The following MAP3K20 variants were observed in gnomAD, a reference collection of about 807,000 sequenced individuals.
MAP3K20 encodes mitogen-activated protein kinase kinase kinase 20.
A neutral mutation model predicts 85.7 loss-of-function variants in MAP3K20; 40 were observed. The ratio of observed to expected loss-of-function variants is 0.47; its 90% confidence interval spans 0.36 to 0.61. MAP3K20 has a LOEUF of 0.61. Among genes scored for constraint, MAP3K20 ranks in the 20% least tolerant of loss-of-function variants. The pLI is 0.00. For synonymous variants in MAP3K20, 325 were observed against 327.7 expected (o/e 0.99, Z 0.09); for missense variants, 817 against 961.7 (o/e 0.85, Z 1.99).
chr2:173,114,346 T>C (rs919398871), intron 2 of MAP3K20, among the ~76,000 whole-genome samples: 2 of 152,216 alleles, frequency 1.3e-5, no homozygotes, highest in Non-Finnish European at 2.9e-5. Flanking sequence ...TCTGCAGTTC[T>C]GTGTCTTTTA....
intron 1 of MAP3K20, chr2:173,090,716 G>A: frequency 9.6e-7 from 1 of 1,037,266 alleles, no homozygotes; most frequent in Non-Finnish European, 1.2e-6. Context: ...TCCTTGGGAT[G>A]AGTAGGAAGT....
chr2:173,128,620 C>T (rs933925815), intron 2 of MAP3K20, among the ~76,000 whole-genome samples: 2 of 152,088 alleles, frequency 1.3e-5, no homozygotes, highest in African/African-American at 4.8e-5. Context: ...GTTTGAGCCA[C>T]TGAGTCCAGC....
chr2:173,257,034 C>T (rs1304539850), intron 16 of MAP3K20, among the ~76,000 whole-genome samples: 2 of 151,004 alleles, frequency 1.3e-5, no homozygotes, highest in African/African-American at 4.9e-5. Context: ...CATGATGGCA[C>T]GTGCTTGTGG....
chr2:173,201,917 G>GT (rs1267271127), intron 8 of MAP3K20, among the ~76,000 whole-genome samples: 1 of 152,096 alleles, frequency 6.6e-6, no homozygotes, highest in Non-Finnish European at 1.5e-5. Flanking sequence ...TATCTAAACA[G>GT]TTTTTCAGTA....
chr2:173,083,367 T>A (rs6733082), intron 1 of MAP3K20, among the ~76,000 whole-genome samples: 63,822 of 151,858 alleles, frequency 0.42, 14,634 homozygotes, highest in African/African-American at 0.59. Context: ...TTTTATTTTT[T>A]TTTTTTGAGA....
intron 2 of MAP3K20, among the ~76,000 whole-genome samples, chr2:173,161,423 T>G (rs1689654835): frequency 6.6e-6 from 1 of 152,246 alleles, no homozygotes; most frequent in South Asian, 2.1e-4. Flanking sequence ...ATTTTACTCT[T>G]CTCACTGTAC....
In MAP3K20 at chr2:173,078,290, T is replaced by G. The variant is rs184298629; in HGVS notation, c.-35+2288T>G. Among the ~76,000 whole-genome samples the G allele has an allele frequency of 1.1e-4, 16 of 152,360 alleles. No homozygotes were observed. The East Asian group carries it at 2.7e-3, about 26-fold the overall frequency. On this transcript the variant is annotated intron_variant, in intron 1 of 19. Coordinates refer to ENST00000375213, the MANE Select transcript of MAP3K20 (RefSeq NM_016653.3). ...AGCCCTATGTCTGTATCCTGAGATGTTGGAAATAAAAATGAATTTAGATCA... is the reference window on the plus strand; with the variant it reads ...AGCCCTATGTCTGTATCCTGAGATGGTGGAAATAAAAATGAATTTAGATCA...
At chr2:173,256,530 T>TAGATAGACAGAC (rs1341972398) in intron 16 of MAP3K20, among the ~76,000 whole-genome samples, 6 of 148,342 alleles carry the variant, frequency 4.0e-5, no homozygotes, top group Admixed American at 2.7e-4. Flanking sequence ...GATAGATAGA[T>TAGATAGACAGAC]AGACAGACAG....
chr2:173,162,724 G>T (rs1225052120), intron 2 of MAP3K20, among the ~76,000 whole-genome samples: 2 of 151,156 alleles, frequency 1.3e-5, no homozygotes, highest in East Asian at 3.9e-4. Flanking sequence ...GGACCTTAGA[G>T]ATCAGGGTCC....
intron 5 of MAP3K20, among the ~76,000 whole-genome samples, chr2:173,188,576 C>T (rs774507741): frequency 1.3e-4 from 20 of 151,132 alleles, no homozygotes; most frequent in Admixed American, 2.6e-4. Context: ...TTGCACGTGC[C>T]TCAGGACTGT....
intron 3 of MAP3K20, among the ~76,000 whole-genome samples, chr2:173,172,236 C>G (rs927423338): frequency 6.6e-6 from 1 of 152,056 alleles, no homozygotes; most frequent in Admixed American, 6.5e-5. Flanking sequence ...CAGCCCCAGC[C>G]AGATACCCCT....
intron 16 of MAP3K20, among the ~76,000 whole-genome samples, chr2:173,249,201 A>G (rs1044805569): frequency 2.0e-5 from 3 of 152,228 alleles, no homozygotes; most frequent in East Asian, 3.8e-4. Flanking sequence ...ACAGTTGTCT[A>G]TAGGAGAGAG....
chr2:173,189,241 C>T (rs1690579570), intron 5 of MAP3K20, among the ~76,000 whole-genome samples: 1 of 152,098 alleles, frequency 6.6e-6, no homozygotes, highest in African/African-American at 2.4e-5. Flanking sequence ...ATAATATTTA[C>T]ATTTCTATTT....
chr2:173,164,597 CAG>C (rs985740697), intron 2 of MAP3K20, among the ~76,000 whole-genome samples: 4 of 152,038 alleles, frequency 2.6e-5, no homozygotes, highest in Admixed American at 6.6e-5. Flanking sequence ...TTTAAAGACA[CAG>C]AATCTTTTAA....
At chr2:173,228,847 T>C (rs1018320512) in intron 11 of MAP3K20, among the ~76,000 whole-genome samples, 8 of 152,134 alleles carry the variant, frequency 5.3e-5, no homozygotes, top group Admixed American at 5.2e-4. Context: ...CAAGAAAATA[T>C]TTGTAACAGA....
chr2:173,187,487 A>G (rs534252285), intron 4 of MAP3K20, 71 bp from the exon 5 acceptor site: 2 of 1,336,936 alleles, frequency 1.5e-6, no homozygotes, highest in Non-Finnish European at 2.1e-6. Flanking sequence ...TTCTTTGAAA[A>G]ACTATGAAAG....
chr2:173,174,372 G>A (rs866777759), intron 3 of MAP3K20, among the ~76,000 whole-genome samples: 3 of 151,990 alleles, frequency 2.0e-5, no homozygotes, highest in African/African-American at 4.8e-5. Context: ...AAACGCCCCC[G>A]ACAGGCCCTG....
intron 2 of MAP3K20, among the ~76,000 whole-genome samples, chr2:173,150,611 G>A (rs1170134340): frequency 6.6e-6 from 1 of 152,170 alleles, no homozygotes; most frequent in Non-Finnish European, 1.5e-5. Context: ...CTGTCACCCA[G>A]GCTGGAGTGC....
At chr2:173,182,065 G>A (rs772054727) in intron 3 of MAP3K20, among the ~76,000 whole-genome samples, 4 of 152,056 alleles carry the variant, frequency 2.6e-5, no homozygotes, top group Non-Finnish European at 5.9e-5. Context: ...GCAAAAGAAC[G>A]AGACCCTGAC....
Sources: gnomAD v4.1 joint callset for allele counts (sites outside exome capture counted in the v4.1 genomes callset) on GRCh38, gnomAD v4.1.1 for gene constraint, MANE v1.5 for transcripts, NCBI Gene and HGNC (gene_info 2026-07-23, HGNC 2026-07-21) for gene names.